Variants in ZDHHC14 observed in about 807,000 individuals in gnomAD.
ZDHHC14 encodes the protein zDHHC palmitoyltransferase 14.
Under a neutral mutation model 47.7 loss-of-function variants are expected in ZDHHC14, and 16 were observed. The observed-to-expected ratio is 0.34, with a 90% CI of 0.23 to 0.51. The LOEUF (loss-of-function observed/expected upper bound fraction) is 0.51, where lower values mean the gene tolerates loss of function less well. Among genes scored for constraint, ZDHHC14 ranks in the 20% least tolerant of loss-of-function variants. The pLI, the probability that ZDHHC14 is intolerant of heterozygous loss-of-function variation, is 0.97. For synonymous variants in ZDHHC14, 293 were observed against 278.9 expected, an observed-to-expected ratio of 1.05 and a Z score of -0.50; for missense variants, 515 against 662.5, an observed-to-expected ratio of 0.78 and a Z score of 2.44.
chr6:157,437,291 A>G (rs985892957), intron 1 of ZDHHC14, among the ~76,000 whole-genome samples: 8 of 152,188 alleles, frequency 5.3e-5, no homozygotes, highest in African/African-American at 1.7e-4. Flanking sequence ...AGGAATGCCA[A>G]ATAAGGTTAA....
At chr6:157,560,404 CGTT>C (rs1305059679) in intron 2 of ZDHHC14, among the ~76,000 whole-genome samples, 1 of 152,118 alleles carries the variant, frequency 6.6e-6, no homozygotes, top group East Asian at 1.9e-4. Context: ...GTAAACGCCA[CGTT>C]GTTAGAACGT....
intron 1 of ZDHHC14, among the ~76,000 whole-genome samples, chr6:157,436,223 AAAATGGAGATAATGAAGATGC>A (rs1334082595): frequency 5.9e-5 from 9 of 152,152 alleles, no homozygotes; most frequent in African/African-American, 2.2e-4. Flanking sequence ...CCTTATTTGT[AAAATGGAGATAATGAAGATGC>A]AAATGGAGAT....
At chr6:157,636,551 A>T (rs572696814) in intron 5 of ZDHHC14, among the ~76,000 whole-genome samples, 1 of 152,068 alleles carries the variant, frequency 6.6e-6, no homozygotes, top group Admixed American at 6.5e-5. Context: ...TGGCACCTAC[A>T]TTATGGACCC....
At chr6:157,597,204 C>G (rs1784167900) in intron 3 of ZDHHC14, among the ~76,000 whole-genome samples, 1 of 152,204 alleles carries the variant, frequency 6.6e-6, no homozygotes. Context: ...CCTCTTCTCT[C>G]TCGGATCCTC....
chr6:157,406,511 A>G (rs752187030), intron 1 of ZDHHC14, among the ~76,000 whole-genome samples: 8 of 152,230 alleles, frequency 5.3e-5, no homozygotes, highest in Non-Finnish European at 1.0e-4. Flanking sequence ...CTTCAGAAGA[A>G]ATATCTGGTT....
intron 1 of ZDHHC14, among the ~76,000 whole-genome samples, chr6:157,527,745 G>C (rs1017771986): frequency 6.6e-6 from 1 of 152,170 alleles, no homozygotes; most frequent in African/African-American, 2.4e-5. Context: ...GCCATGTAAC[G>C]GTCTCTCAGG....
Position 157,628,453 on chromosome 6 carries a change from A to G in ZDHHC14, c.670A>G (p.Ile224Val). 2 of 1,612,734 alleles carry G rather than the reference A, an allele frequency of 1.2e-6. No homozygotes were observed. Among genetic ancestry groups the G allele is most frequent in the Non-Finnish European group, 8.5e-7 (1 of 1,179,790 alleles). Reference sequence around the variant, plus strand: ...ATCTCTGTCTTTTCTGACAGTCTTTATATTTGCATTCGTTATCACCCACGT... The same window carrying G: ...ATCTCTGTCTTTTCTGACAGTCTTTGTATTTGCATTCGTTATCACCCACGT... ...ILSLSFLTVF[I>V]FAFVITHVIL... Residue 224 changes from isoleucine to valine, a missense_variant, in exon 4 of 9, where the codon ATA (isoleucine) becomes GTA (valine). Transcript: ENST00000359775.
At chr6:157,540,741 G>A (rs1377376463) in intron 1 of ZDHHC14, among the ~76,000 whole-genome samples, 1 of 151,860 alleles carries the variant, frequency 6.6e-6, no homozygotes, top group Non-Finnish European at 1.5e-5. Flanking sequence ...GTGAATTTAA[G>A]TTTTTTTGGA....
chr6:157,390,596 C>G (rs974187721), intron 1 of ZDHHC14, among the ~76,000 whole-genome samples: 7 of 151,366 alleles, frequency 4.6e-5, no homozygotes, highest in African/African-American at 1.5e-4. Flanking sequence ...TTTTCTTTTC[C>G]TCTTTGTGTT....
At chr6:157,597,459 A>G (rs1213069107) in intron 3 of ZDHHC14, among the ~76,000 whole-genome samples, 1 of 152,266 alleles carries the variant, frequency 6.6e-6, no homozygotes, top group Non-Finnish European at 1.5e-5. Flanking sequence ...CCTGTAATAA[A>G]AAGGGATTTA....
rs1349587614 is a variant in ZDHHC14 at position 157,656,212 on chromosome 6, T to C, written c.1068+2585T>C. 2.6e-5 allele frequency among the ~76,000 whole-genome samples: 4 copies of C among 152,302 alleles called. No individual in the cohort carries two copies. In the East Asian group the frequency reaches 5.8e-4, roughly 22 times the overall value. On this transcript the variant is annotated intron_variant, in intron 8 of 8. Transcript: ENST00000359775. ...TCACCTTCCAAATAACTAGTACCGC[T>C]GAAGGCACCGGGCTGTGATGGAAGG...
intron 3 of ZDHHC14, among the ~76,000 whole-genome samples, chr6:157,609,850 C>T (rs2097923249): frequency 6.6e-6 from 1 of 152,222 alleles, no homozygotes. Context: ...TCAAGGGGAA[C>T]AAGCAGTGGG....
chr6:157,417,972 A>G (rs1778017434), intron 1 of ZDHHC14, among the ~76,000 whole-genome samples: 2 of 149,480 alleles, frequency 1.3e-5, no homozygotes, highest in Non-Finnish European at 3.0e-5. Context: ...AAAAAAAAAG[A>G]CGAAGAAGCC....
intron 2 of ZDHHC14, among the ~76,000 whole-genome samples, chr6:157,576,336 A>G (rs1783308774): frequency 6.6e-6 from 1 of 152,242 alleles, no homozygotes; most frequent in African/African-American, 2.4e-5. Flanking sequence ...AACAATGTAT[A>G]TAGACAGACC....
In ZDHHC14 at chr6:157,542,836, A is replaced by T. The variant is rs1286378480; in HGVS notation, c.406+91A>T. 2.1e-6 allele frequency: 3 copies of T among 1,459,948 alleles called. No homozygotes were observed. In the East Asian group the frequency reaches 7.3e-5, roughly 36 times the overall value. 90.4% of individuals were successfully genotyped at this position (1,459,948 alleles called of 1,614,324 possible). On this transcript the variant is annotated intron_variant, in intron 2 of 8. Coordinates refer to ENST00000359775, the MANE Select transcript of ZDHHC14 (RefSeq NM_024630.3). ...GGCAGGCCGAGGGCTGTGCAGGAGG[A>T]GCTGAGCGCTGGGAAGGAAGGAGGC...
At chr6:157,402,469 A>T (rs1190086745) in intron 1 of ZDHHC14, among the ~76,000 whole-genome samples, 2 of 152,120 alleles carry the variant, frequency 1.3e-5, no homozygotes, top group African/African-American at 4.8e-5. Context: ...CTGAGGTCTC[A>T]GCTGCAGTAG....
intron 7 of ZDHHC14, among the ~76,000 whole-genome samples, chr6:157,649,984 G>T (rs1018409297): frequency 1.3e-5 from 2 of 151,356 alleles, no homozygotes; most frequent in Non-Finnish European, 2.9e-5. Flanking sequence ...TGTGCCAGGC[G>T]CTGGGGGTGC....
intron 1 of ZDHHC14, among the ~76,000 whole-genome samples, chr6:157,527,007 G>T (rs549384403): frequency 6.6e-6 from 1 of 152,288 alleles, no homozygotes; most frequent in East Asian, 1.9e-4. Flanking sequence ...CTTCTGAATA[G>T]GTACTTGATT....
chr6:157,545,375 T>TAA (rs111647169), intron 2 of ZDHHC14, among the ~76,000 whole-genome samples: 9 of 148,450 alleles, frequency 6.1e-5, no homozygotes, highest in Admixed American at 2.7e-4. Context: ...TATGAAGATG[T>TAA]AAAAAAAAAA....
Sources: gnomAD v4.1 joint callset for allele counts (sites outside exome capture counted in the v4.1 genomes callset) on GRCh38, gnomAD v4.1.1 for gene constraint, MANE v1.5 for transcripts, NCBI Gene and HGNC (gene_info 2026-07-23, HGNC 2026-07-21) for gene names.